Variants in SRGAP1 observed in about 807,000 individuals in gnomAD.
SRGAP1 encodes the protein SLIT-ROBO Rho GTPase activating protein 1.
Under a neutral mutation model 121.9 loss-of-function variants are expected in SRGAP1, and 43 were observed. That is an observed-to-expected ratio of 0.35 (90% CI 0.28 to 0.46). SRGAP1 has a LOEUF of 0.46. Ranked by LOEUF, SRGAP1 falls within the 20% of genes least tolerant of loss-of-function variation. The probability of loss-of-function intolerance (pLI) is 1.00; values close to 1 mark genes in which losing one functional copy is unlikely to be tolerated. For synonymous variants in SRGAP1, 447 were observed against 485.4 expected, an observed-to-expected ratio of 0.92 and a Z score of 1.04; for missense variants, 1,102 against 1,350.9, an observed-to-expected ratio of 0.82 and a Z score of 2.89.
Position 64,062,969 on chromosome 12 carries a change from T to A in SRGAP1, c.854T>A (p.Leu285Gln), listed in dbSNP as rs772719836. The change falls in exon 7 of 22, where the codon CTG becomes CAG. Residue 285 changes from leucine to glutamine, a missense_variant. By Grantham distance (113) the Leu-to-Gln change is moderately radical. Coordinates refer to ENST00000355086, the MANE Select transcript of SRGAP1 (RefSeq NM_020762.4). Reference protein sequence around the residue: ...ASLNRALRTYLSAEYNLETSR... With the variant: ...ASLNRALRTYQSAEYNLETSR... ...CTGAACAGAGCCCTAAGAACATATC[T>A]GTCTGCGGAGTACAACCTTGAAACC... The A allele has an allele frequency of 6.2e-7, 1 of 1,614,094 alleles. No homozygotes were observed. Among genetic ancestry groups the A allele is most frequent in the Admixed American group, 1.7e-5 (1 of 60,012 alleles).
At chr12:64,017,069 A>G (rs1057155753) in intron 4 of SRGAP1, 57 bp downstream of exon 4, 11 of 994,734 alleles carry the variant, frequency 1.1e-5, no homozygotes, top group Non-Finnish European at 1.5e-5. Flanking sequence ...TCTGGTTTGT[A>G]AAAACACTGC....
rs1250956196 is a variant in SRGAP1, at chr12:64,145,122, T to G, written c.*2450T>G. 2 of 152,164 alleles carry G rather than the reference T, an allele frequency of 1.3e-5. No homozygotes were observed. Among genetic ancestry groups the G allele is most frequent in the Admixed American group, 1.3e-4 (2 of 15,254 alleles). 9.4% of individuals were successfully genotyped at this position (152,164 alleles called of 1,614,324 possible). A position where few individuals can be genotyped will look rare whatever the true frequency, so the allele number is the denominator to read the frequency against. ...CTGGGATTACAGATGTGAGCCACCATGCCCGGCCATTCCACCACTTCTTTA... is the reference window on the plus strand; with the variant it reads ...CTGGGATTACAGATGTGAGCCACCAGGCCCGGCCATTCCACCACTTCTTTA... On this transcript the variant is annotated 3_prime_UTR_variant, in exon 22 of 22. Transcript: ENST00000355086.
intron 6 of SRGAP1, among the ~76,000 whole-genome samples, chr12:64,049,293 A>G (rs1593077240): frequency 1.3e-5 from 2 of 152,196 alleles, no homozygotes; most frequent in South Asian, 4.1e-4. Context: ...GTCCATTATC[A>G]CACTGCTATA....
At chr12:64,073,335 A>G (rs777246433) in intron 8 of SRGAP1, among the ~76,000 whole-genome samples, 1 of 152,232 alleles carries the variant, frequency 6.6e-6, no homozygotes, top group Non-Finnish European at 1.5e-5. Context: ...CCATGTGTGC[A>G]TTTGATAATG....
rs140190025 is a variant in SRGAP1 at position 63,909,828 on chromosome 12, G to T, written c.67+64945G>T. The stretch of plus-strand genomic sequence containing the variant: ...GCATGCTGGCAGGCCAGAAACTCAG[G>T]CAGGCATTGATGCTGCAGTCTGGAG... On this transcript the variant is annotated intron_variant, in intron 1 of 21. Coordinates refer to ENST00000355086, the MANE Select transcript of SRGAP1 (RefSeq NM_020762.4). 5.6e-3 allele frequency among the ~76,000 whole-genome samples: 852 copies of T among 152,336 alleles called. 8 individuals carry two copies. The highest frequency in any genetic ancestry group is 0.02 in the African/African-American group (813 of 41,568).
At chr12:63,902,090 G>A (rs1425988566) in intron 1 of SRGAP1, among the ~76,000 whole-genome samples, 6 of 152,160 alleles carry the variant, frequency 3.9e-5, no homozygotes, top group Admixed American at 6.5e-5. Flanking sequence ...TGAGGTGGGC[G>A]GATCGCTCGA....
Position 63,875,899 on chromosome 12 carries a change from A to G in SRGAP1, c.67+31016A>G, listed in dbSNP as rs185781800. Among the ~76,000 whole-genome samples the G allele has an allele frequency of 3.3e-5, 5 of 152,356 alleles. No homozygotes were observed. In the East Asian group the frequency reaches 9.6e-4, roughly 29 times the overall value. On this transcript the variant is annotated intron_variant, in intron 1 of 21. Coordinates refer to ENST00000355086, the MANE Select transcript of SRGAP1 (RefSeq NM_020762.4). Reference sequence around the variant, plus strand: ...ATTACCAGCTGCTGTTTATAAAACCAAATGATAAAATTCACTTAATGAAAG... The same window carrying G: ...ATTACCAGCTGCTGTTTATAAAACCGAATGATAAAATTCACTTAATGAAAG...
chr12:64,032,696 A>AG (rs1304306630), intron 4 of SRGAP1: 59 of 308,802 alleles, frequency 1.9e-4, no homozygotes, highest in African/African-American at 1.2e-3. Flanking sequence ...AAAAAAAAAA[A>AG]AAAATTCTGC....
intron 21 of SRGAP1, among the ~76,000 whole-genome samples, chr12:64,132,407 AC>A (rs1274620633): frequency 6.6e-6 from 1 of 152,136 alleles, no homozygotes; most frequent in Non-Finnish European, 1.5e-5. Flanking sequence ...TCTGGACCCC[AC>A]TCAAAACTGG....
chr12:64,078,619 A>G (rs1231498442), intron 8 of SRGAP1, among the ~76,000 whole-genome samples: 1 of 152,194 alleles, frequency 6.6e-6, no homozygotes, highest in Non-Finnish European at 1.5e-5. Flanking sequence ...GTATTTTTCT[A>G]TGTGTAGTTT....
At chr12:64,007,684 G>A (rs570942228) in intron 3 of SRGAP1, among the ~76,000 whole-genome samples, 23 of 152,258 alleles carry the variant, frequency 1.5e-4, no homozygotes, top group African/African-American at 4.8e-4. Context: ...TACTCTATAA[G>A]GCTACAGGAG....
rs188605140 is a variant in SRGAP1, at chr12:64,088,096, A to G, written c.1436+1070A>G. Among the ~76,000 whole-genome samples, 50 of 152,344 alleles carry G rather than the reference A, an allele frequency of 3.3e-4. 1 individual carries two copies. Among genetic ancestry groups the G allele is most frequent in the African/African-American group, 1.2e-3 (48 of 41,580 alleles). On this transcript the variant is annotated intron_variant, in intron 11 of 21. Coordinates refer to ENST00000355086, the MANE Select transcript of SRGAP1 (RefSeq NM_020762.4). Reference sequence around the variant, plus strand: ...GAACACTGGTATATCTGCTGCAGTAATTGGCAAGTTGACTTTCAAGGATCT... The same window carrying G: ...GAACACTGGTATATCTGCTGCAGTAGTTGGCAAGTTGACTTTCAAGGATCT...
At chr12:64,052,416 G>A (rs576194484) in intron 6 of SRGAP1, among the ~76,000 whole-genome samples, 131 of 152,088 alleles carry the variant, frequency 8.6e-4, no homozygotes, top group African/African-American at 2.5e-3. Flanking sequence ...TTAGCCAGGC[G>A]TGGTGGTGGG....
intron 1 of SRGAP1, among the ~76,000 whole-genome samples, chr12:63,883,143 A>T (rs879498078): frequency 2.6e-5 from 4 of 152,148 alleles, no homozygotes; most frequent in Non-Finnish European, 1.5e-5. Flanking sequence ...TTCCCATTAA[A>T]CCCTGAAAGT....
At chr12:63,965,108 T>C (rs1436698462) in intron 1 of SRGAP1, among the ~76,000 whole-genome samples, 2 of 152,188 alleles carry the variant, frequency 1.3e-5, no homozygotes, top group South Asian at 2.1e-4. Context: ...TGTTCGAATG[T>C]GTGCTTTGGG....
At chr12:63,992,757 G>T (rs537767594) in intron 3 of SRGAP1, among the ~76,000 whole-genome samples, 16 of 151,350 alleles carry the variant, frequency 1.1e-4, no homozygotes, top group African/African-American at 3.9e-4. Flanking sequence ...AAACAGATAT[G>T]TCTTCTTGCT....
intron 6 of SRGAP1, among the ~76,000 whole-genome samples, chr12:64,057,220 CT>C (rs1156462298): frequency 6.6e-6 from 1 of 152,140 alleles, no homozygotes; most frequent in African/African-American, 2.4e-5. Context: ...CCATTTTGAT[CT>C]TTTCATTGCT....
At position 64,152,159 on chromosome 12, in the gene SRGAP1, T is replaced by C. The variant is rs941485505; in HGVS notation, c.*9487T>C. ...ACACGTTGCATGTCAATAGCCAACA[T>C]GTATTGAGTACCAGACTCCATGCTA... On this transcript the variant is annotated 3_prime_UTR_variant, in exon 22 of 22. Transcript: ENST00000355086. The C allele has an allele frequency of 3.3e-5, 5 of 152,228 alleles. No individual in the cohort carries two copies. The highest frequency in any genetic ancestry group is 9.6e-5 in the African/African-American group (4 of 41,458). The allele number at this position is 152,228 out of a possible 1,614,324, so 9.4% of individuals were successfully genotyped here.
intron 18 of SRGAP1, among the ~76,000 whole-genome samples, chr12:64,116,993 C>G (rs116363257): frequency 6.6e-6 from 1 of 152,128 alleles, no homozygotes; most frequent in Non-Finnish European, 1.5e-5. Flanking sequence ...TCAGCAGGCT[C>G]TGGGGCATTA....
Sources: allele counts gnomAD v4.1 joint callset (sites outside exome capture counted in the v4.1 genomes callset), GRCh38; gene constraint gnomAD v4.1.1; transcripts MANE v1.5; gene names NCBI Gene and HGNC (gene_info 2026-07-23, HGNC 2026-07-21).